LRRC25: variants seen among roughly 807,000 people sequenced by gnomAD.
LRRC25 encodes leucine rich repeat containing 25.
LRRC25 carries 5 observed loss-of-function variants against 18.8 expected under a neutral mutation model. The ratio of observed to expected loss-of-function variants is 0.27; its 90% CI spans 0.14 to 0.56. The LOEUF (loss-of-function observed/expected upper bound fraction) is 0.56, where lower values mean the gene tolerates loss of function less well. Ranked by LOEUF, LRRC25 falls within the 20% of genes least tolerant of loss-of-function variation. The pLI is 0.93. For missense variants in LRRC25, 341 were observed against 389.8 expected, an observed-to-expected ratio of 0.87 and a Z score of 1.05; for synonymous variants, 161 against 176.8, an observed-to-expected ratio of 0.91 and a Z score of 0.71.
At chr19:18,395,779 G>A (rs908474944) in intron 1 of LRRC25, among the ~76,000 whole-genome samples, 2 of 152,146 alleles carry the variant, frequency 1.3e-5, no homozygotes, top group Admixed American at 1.3e-4. Flanking sequence ...GGAGTGCAAT[G>A]GCATGAACTT....
rs1396165151 is a variant in LRRC25 at position 18,397,311 on chromosome 19, CT to C, written c.-349del. ...GTTGCCTTGGAAACGGCCCCGCCCCCTGATCACGCTCCCGGTATCTCCCAGA... is the reference window on the plus strand; with the variant it reads ...GTTGCCTTGGAAACGGCCCCGCCCCCGATCACGCTCCCGGTATCTCCCAGA... On this transcript the variant is annotated 5_prime_UTR_variant, in exon 1 of 2. Transcript: ENST00000339007. 5.1e-5 allele frequency: 15 copies of C among 293,720 alleles called. No homozygotes were observed. The highest frequency in any genetic ancestry group is 8.4e-5 in the Non-Finnish European group (13 of 153,920). 18.2% of individuals were successfully genotyped at this position (293,720 alleles called of 1,614,324 possible).
At chr19:18,394,054 T>C (rs1193648129) in intron 1 of LRRC25, among the ~76,000 whole-genome samples, 1 of 152,166 alleles carries the variant, frequency 6.6e-6, no homozygotes, top group African/African-American at 2.4e-5. Flanking sequence ...AGCCTTCCGA[T>C]AGCCTCCCCA....
chr19:18,393,458 A>G (rs1297164208), intron 1 of LRRC25, among the ~76,000 whole-genome samples: 1 of 152,144 alleles, frequency 6.6e-6, no homozygotes, highest in African/African-American at 2.4e-5. Flanking sequence ...CCCCGTCTCT[A>G]CTAAAATTAG....
chr19:18,396,604 C>G lies in LRRC25; in HGVS notation c.360G>C (p.Leu120=). ...LDLQADCNCA[L]ESWHDIRRDN... ...CTCGGCGGATGTCGTGCCAGGACTC[C>G]AGGGCACAGTTGCAGTCGGCCTGCA... is the stretch of plus-strand genomic sequence containing the variant. The change falls in exon 1 of 2, where the codon CTG becomes CTC. Residue 120 remains leucine (L), a synonymous_variant. Transcript: ENST00000339007. 1 of 1,613,972 alleles carries G rather than the reference C, an allele frequency of 6.2e-7. No individual in the cohort carries two copies. Among genetic ancestry groups the G allele is most frequent in the Non-Finnish European group, 8.5e-7 (1 of 1,180,038 alleles).
intron 1 of LRRC25, among the ~76,000 whole-genome samples, chr19:18,393,023 T>G (rs182678664): frequency 8.5e-4 from 130 of 152,256 alleles, no homozygotes; most frequent in Admixed American, 1.6e-3. Flanking sequence ...CTGTTCATTA[T>G]TACATTAAAA....
At chr19:18,393,829 G>T (rs1304831734) in intron 1 of LRRC25, among the ~76,000 whole-genome samples, 2 of 152,060 alleles carry the variant, frequency 1.3e-5, no homozygotes, top group Non-Finnish European at 2.9e-5. Context: ...AAGATGCAGG[G>T]TGGAAATGAC....
intron 1 of LRRC25, among the ~76,000 whole-genome samples, chr19:18,393,456 C>G (rs1971926084): frequency 1.3e-5 from 2 of 152,100 alleles, no homozygotes; most frequent in South Asian, 2.1e-4. Flanking sequence ...AACCCCGTCT[C>G]TACTAAAATT....
In LRRC25 at chr19:18,396,215, G is replaced by C; in HGVS notation, c.749C>G (p.Pro250Arg). ...TTCATCCCACTGGTGCTCGGCTGCT[G>C]GCTGGCCCACAAACATGTTCTCATA... ...PDYENMFVGQ[P>R]AAEHQWDEQG... The change falls in exon 1 of 2, where the codon CCA becomes CGA. Residue 250 changes from proline (P) to arginine (R), a missense_variant. Coordinates refer to ENST00000339007, the MANE Select transcript of LRRC25 (RefSeq NM_145256.3). 6.2e-7 allele frequency: 1 copy of C among 1,605,884 alleles called. No individual in the cohort carries two copies. The highest frequency in any genetic ancestry group is 2.2e-5 in the East Asian group (1 of 44,622).
At position 18,396,876 on chromosome 19, in the gene LRRC25, C is replaced by T. The variant is rs900656015; in HGVS notation, c.88G>A (p.Ala30Thr). 3.1e-6 allele frequency: 5 copies of T among 1,613,626 alleles called. No homozygotes were observed. The African/African-American group carries it at 4.0e-5, about 13-fold the overall frequency. The change falls in exon 1 of 2, where the codon GCG becomes ACG. Residue 30 changes from alanine to threonine, a missense_variant. Coordinates refer to ENST00000339007, the MANE Select transcript of LRRC25 (RefSeq NM_145256.3). ...AACTCCGCGTTCCAGTCCACATCCG[C>T]GGAGGACACGGTGCACGACGGTTCT... is the stretch of plus-strand genomic sequence containing the variant. Reference protein sequence around the residue: ...SLEPSCTVSSADVDWNAEFSA... With the variant: ...SLEPSCTVSSTDVDWNAEFSA...
At position 18,396,236 on chromosome 19, in the gene LRRC25, T is replaced by G; in HGVS notation, c.728A>C (p.Glu243Ala). 6.2e-7 allele frequency: 1 copy of G among 1,611,802 alleles called. No homozygotes were observed. The highest frequency in any genetic ancestry group is 8.5e-7 in the Non-Finnish European group (1 of 1,178,236). Reference sequence around the variant, plus strand: ...TGCTGGCTGGCCCACAAACATGTTCTCATAGTCGGGAGTGGAGGGGCAGGA... The same window carrying G: ...TGCTGGCTGGCCCACAAACATGTTCGCATAGTCGGGAGTGGAGGGGCAGGA... Reference protein sequence around the residue: ...VPSCPSTPDYENMFVGQPAAE... With the variant: ...VPSCPSTPDYANMFVGQPAAE... The change falls in exon 1 of 2, where the codon GAG (glutamate) becomes GCG (alanine). Residue 243 changes from glutamate to alanine, a missense_variant. Transcript: ENST00000339007.
rs758671555 is a variant in LRRC25 at position 18,396,268 on chromosome 19, G to A, written c.696C>T (p.Ala232=). The change falls in exon 1 of 2, where the codon GCC becomes GCT. Residue 232 remains alanine (A), a synonymous_variant. Transcript: ENST00000339007. ...CGGGAGTGGAGGGGCAGGATGGCAC[G>A]GCCACTTGGGGCTTGGGGGCGCTCC... ...GSRSAPKPQV[A]VPSCPSTPDY... 1.4e-5 allele frequency: 22 copies of A among 1,613,584 alleles called. No homozygotes were observed. The highest frequency in any genetic ancestry group is 3.3e-4 in the Middle Eastern group (2 of 6,022).
intron 1 of LRRC25, among the ~76,000 whole-genome samples, chr19:18,394,151 C>T (rs1321520701): frequency 6.6e-6 from 1 of 152,080 alleles, no homozygotes; most frequent in African/African-American, 2.4e-5. Flanking sequence ...CAGGCCTCAG[C>T]TTTCAAGTCA....
In LRRC25 at chr19:18,391,807, A is replaced by G. The variant is rs1417066825; in HGVS notation, c.*180T>C. ...CTCTTCCCCCTCTAGGAGCTGAGGG[A>G]GCTGAGGAGCGGCATGAGGGACAGG... On this transcript the variant is annotated 3_prime_UTR_variant, in exon 2 of 2. Transcript: ENST00000339007. 1.9e-5 allele frequency: 12 copies of G among 635,042 alleles called. No homozygotes were observed. The highest frequency in any genetic ancestry group is 3.2e-5 in the Non-Finnish European group (12 of 376,076). 39.3% of individuals were successfully genotyped at this position (635,042 alleles called of 1,614,324 possible). A position where few individuals can be genotyped will look rare whatever the true frequency, so the allele number is the denominator to read the frequency against.
At position 18,397,106 on chromosome 19, in the gene LRRC25, G is replaced by A. The variant is rs1338869736; in HGVS notation, c.-143C>T. 3.3e-6 allele frequency: 3 copies of A among 895,636 alleles called. No individual in the cohort carries two copies. In the East Asian group the frequency reaches 8.0e-5, roughly 24 times the overall value. The allele number at this position is 895,636 out of a possible 1,614,324, so 55.5% of individuals were successfully genotyped here. On this transcript the variant is annotated 5_prime_UTR_variant, in exon 1 of 2. Transcript: ENST00000339007. ...AATGGTAAAACGCAGCCCCAGTCTG[G>A]TCGCCTCCTTTGGCTGGTGGGCTGC...
intron 1 of LRRC25, among the ~76,000 whole-genome samples, chr19:18,392,357 TG>T (rs34345957): frequency 0.12 from 18,935 of 152,018 alleles, 1,273 homozygotes; most frequent in East Asian, 0.17. Flanking sequence ...CCAGGCATGG[TG>T]GCACAGGCCT....
intron 1 of LRRC25, among the ~76,000 whole-genome samples, 189 bp downstream of exon 1, chr19:18,395,996 C>T (rs1343129106): frequency 2.6e-5 from 4 of 152,206 alleles, no homozygotes; most frequent in Admixed American, 1.3e-4. Flanking sequence ...GCTAGGATTA[C>T]AGGTGTGAGC....
chr19:18,396,423 T>C lies in LRRC25; in HGVS notation c.541A>G (p.Ile181Val), dbSNP rs1371111675. ...VSGCLLLGLA[I>V]AGPVLAWRLW... ...CTCCAGGCCAGCACAGGGCCAGCGA[T>C]GGCAAGTCCAAGAAGCAGGCACCCG... is the stretch of plus-strand genomic sequence containing the variant. Residue 181 changes from isoleucine (I) to valine (V), a missense_variant, in exon 1 of 2, where the codon ATC becomes GTC. Ile to Val is a conservative substitution (Grantham distance 29, BLOSUM62 3). Transcript: ENST00000339007. 1.2e-5 allele frequency: 20 copies of C among 1,613,362 alleles called. No individual in the cohort carries two copies. Among genetic ancestry groups the C allele is most frequent in the African/African-American group, 4.0e-5 (3 of 74,950 alleles).
rs1971901065 is a variant in LRRC25, at chr19:18,391,700, T to C, written c.*287A>G. The C allele has an allele frequency of 6.5e-6, 2 of 307,290 alleles. No individual in the cohort carries two copies. The highest frequency in any genetic ancestry group is 1.3e-5 in the Non-Finnish European group (2 of 156,238). 19.0% of individuals were successfully genotyped at this position (307,290 alleles called of 1,614,324 possible). Reference sequence around the variant, plus strand: ...AGCCTCATCAGCCTCGAAGCATTTATTGAGCACTGCCTGTACATCCACAGG... The same window carrying C: ...AGCCTCATCAGCCTCGAAGCATTTACTGAGCACTGCCTGTACATCCACAGG... On this transcript the variant is annotated 3_prime_UTR_variant, in exon 2 of 2. Transcript: ENST00000339007.
At chr19:18,392,700 G>T (rs533621523) in intron 1 of LRRC25, among the ~76,000 whole-genome samples, 2 of 152,104 alleles carry the variant, frequency 1.3e-5, no homozygotes, top group African/African-American at 4.8e-5. Flanking sequence ...CCTTAAAAAT[G>T]AGATAGCGGC....
Sources: gnomAD v4.1 joint callset for allele counts (sites outside exome capture counted in the v4.1 genomes callset) on GRCh38, gnomAD v4.1.1 for gene constraint, MANE v1.5 for transcripts, NCBI Gene and HGNC (gene_info 2026-07-23, HGNC 2026-07-21) for gene names.